The following NLGN1 variants were observed in gnomAD, a reference collection of about 807,000 sequenced individuals.
The protein encoded by NLGN1 is neuroligin 1.
NLGN1 carries 12 observed loss-of-function variants against 65.5 expected under a neutral mutation model. The ratio of observed to expected loss-of-function variants is 0.18; its 90% CI spans 0.12 to 0.30. NLGN1 has a LOEUF of 0.30. NLGN1 is among the 10% of genes least tolerant of loss of function. The pLI is 1.00. For missense variants in NLGN1, 750 were observed against 1,007.1 expected, an observed-to-expected ratio of 0.74 and a Z score of 3.46; for synonymous variants, 350 against 359.5, an observed-to-expected ratio of 0.97 and a Z score of 0.30.
chr3:173,517,800 A>G (rs970898509), intron 2 of NLGN1, among the ~76,000 whole-genome samples: 17 of 150,336 alleles, frequency 1.1e-4, no homozygotes, highest in Non-Finnish European at 2.2e-4. Flanking sequence ...CTATCTATCT[A>G]TCATATCTAT....
intron 4 of NLGN1, among the ~76,000 whole-genome samples, chr3:174,062,035 T>C (rs2152519745): frequency 6.6e-6 from 1 of 152,246 alleles, no homozygotes; most frequent in South Asian, 2.1e-4. Flanking sequence ...TCTAAATTCA[T>C]ACATGTGAAT....
At chr3:173,641,548 C>T (rs113221856) in intron 3 of NLGN1, among the ~76,000 whole-genome samples, 1 of 152,280 alleles carries the variant, frequency 6.6e-6, no homozygotes, top group East Asian at 1.9e-4. Context: ...ACCTAAGCCT[C>T]CCAAAGTGCT....
intron 4 of NLGN1, among the ~76,000 whole-genome samples, chr3:174,003,529 CTT>C (rs1231442302): frequency 1.3e-5 from 2 of 152,098 alleles, no homozygotes; most frequent in Non-Finnish European, 2.9e-5. Context: ...TGTGGAAACT[CTT>C]TATTTCATAT....
chr3:173,980,549 T>C (rs914828454), intron 4 of NLGN1, among the ~76,000 whole-genome samples: 8 of 152,076 alleles, frequency 5.3e-5, no homozygotes, highest in Admixed American at 6.6e-5. Flanking sequence ...TCTTTGGGAA[T>C]ATAGTTCTTT....
intron 4 of NLGN1, among the ~76,000 whole-genome samples, chr3:174,120,723 TTC>T (rs140335211): frequency 2.6e-5 from 4 of 151,842 alleles, no homozygotes; most frequent in Non-Finnish European, 5.9e-5. Context: ...AAATATCTCT[TTC>T]TCTCTCTCTC....
intron 4 of NLGN1, among the ~76,000 whole-genome samples, chr3:174,002,399 A>G (rs1723477029): frequency 6.6e-6 from 1 of 152,186 alleles, no homozygotes; most frequent in Admixed American, 6.5e-5. Context: ...AACTGCCGGG[A>G]TTATAGGTGT....
chr3:173,529,370 C>G (rs116459035), intron 2 of NLGN1, among the ~76,000 whole-genome samples: 1,761 of 152,214 alleles, frequency 0.012, 39 homozygotes, highest in African/African-American at 0.04. Context: ...GCTGGGCAGC[C>G]CTGTTCGGGG....
chr3:174,156,866 A>G (rs1725542094), intron 4 of NLGN1, among the ~76,000 whole-genome samples: 1 of 151,678 alleles, frequency 6.6e-6, no homozygotes, highest in Admixed American at 6.6e-5. Context: ...TCTGCACTAT[A>G]GCAACACTTA....
At chr3:173,586,775 A>G (rs1747526449) in intron 2 of NLGN1, among the ~76,000 whole-genome samples, 1 of 152,130 alleles carries the variant, frequency 6.6e-6, no homozygotes, top group Non-Finnish European at 1.5e-5. Flanking sequence ...CTGAGAAGCT[A>G]GGTTAGTCTC....
chr3:173,440,715 A>G (rs952236371), intron 2 of NLGN1, among the ~76,000 whole-genome samples: 12 of 152,164 alleles, frequency 7.9e-5, no homozygotes, highest in African/African-American at 2.9e-4. Flanking sequence ...AGGCTTTATT[A>G]TTCTATTTAT....
At chr3:173,698,952 G>A (rs1236478345) in intron 3 of NLGN1, among the ~76,000 whole-genome samples, 3 of 152,052 alleles carry the variant, frequency 2.0e-5, no homozygotes, top group African/African-American at 7.2e-5. Flanking sequence ...CACCTCCCAG[G>A]TTCAAGCGAT....
chr3:173,751,362 A>G (rs1776274722), intron 3 of NLGN1, among the ~76,000 whole-genome samples: 1 of 152,134 alleles, frequency 6.6e-6, no homozygotes, highest in Admixed American at 6.6e-5. Flanking sequence ...AAAGATATAT[A>G]GCCGTAACTT....
intron 1 of NLGN1, among the ~76,000 whole-genome samples, chr3:173,420,193 A>G (rs2148690628): frequency 6.6e-6 from 1 of 151,940 alleles, no homozygotes; most frequent in Non-Finnish European, 1.5e-5. Context: ...GTCATTTAGC[A>G]TTAAGTATAT....
intron 4 of NLGN1, among the ~76,000 whole-genome samples, chr3:174,188,115 C>T (rs923750315): frequency 6.6e-6 from 1 of 151,882 alleles, no homozygotes; most frequent in Non-Finnish European, 1.5e-5. Context: ...AAGAGTGTAG[C>T]GCTTCAAAGG....
chr3:174,247,557 G>T (rs922435834), intron 4 of NLGN1, among the ~76,000 whole-genome samples: 8 of 152,142 alleles, frequency 5.3e-5, no homozygotes, highest in Admixed American at 3.9e-4. Flanking sequence ...AAATGATTTT[G>T]TCAGTTCAGC....
At chr3:173,546,045 T>C (rs1323146937) in intron 2 of NLGN1, among the ~76,000 whole-genome samples, 2 of 152,148 alleles carry the variant, frequency 1.3e-5, no homozygotes, top group African/African-American at 2.4e-5. Context: ...TATACCTATG[T>C]AACAAACCTC....
chr3:173,782,723 C>T (rs1159320114), intron 3 of NLGN1, among the ~76,000 whole-genome samples: 3 of 148,928 alleles, frequency 2.0e-5, no homozygotes, highest in Non-Finnish European at 3.0e-5. Context: ...ATTGTTCTTA[C>T]CACCCATGAT....
intron 2 of NLGN1, among the ~76,000 whole-genome samples, chr3:173,516,859 T>C (rs1251851977): frequency 6.6e-6 from 1 of 152,086 alleles, no homozygotes; most frequent in African/African-American, 2.4e-5. Flanking sequence ...AAACCTGACT[T>C]CAATAATTTG....
intron 4 of NLGN1, among the ~76,000 whole-genome samples, chr3:173,826,749 A>G (rs1721412315): frequency 6.6e-6 from 1 of 152,012 alleles, no homozygotes; most frequent in South Asian, 2.1e-4. Flanking sequence ...ATTAGTTTTC[A>G]AAAAAGATGT....
Sources: gnomAD v4.1 joint callset for allele counts (sites outside exome capture counted in the v4.1 genomes callset) on GRCh38, gnomAD v4.1.1 for gene constraint, MANE v1.5 for transcripts, NCBI Gene and HGNC (gene_info 2026-07-23, HGNC 2026-07-21) for gene names.